The following SPOP variants were observed in gnomAD, a reference collection of about 807,000 sequenced individuals.
SPOP encodes speckle type BTB/POZ protein.
Under a neutral mutation model 45.6 loss-of-function variants are expected in SPOP, and 11 were observed. The ratio of observed to expected loss-of-function variants is 0.24; its 90% confidence interval spans 0.15 to 0.40. The LOEUF (loss-of-function observed/expected upper bound fraction) is 0.40. Among genes scored for constraint, SPOP ranks in the 10% least tolerant of loss-of-function variants. The pLI is 1.00. For synonymous variants in SPOP, 166 were observed against 166.3 expected (o/e 1.00, Z 0.01); for missense variants, 152 against 465.6 (o/e 0.33, Z 6.20).
At chr17:49,613,132 A>G (rs533431778) in intron 5 of SPOP, among the ~76,000 whole-genome samples, 1 of 152,352 alleles carries the variant, frequency 6.6e-6, no homozygotes, top group Admixed American at 6.5e-5. Context: ...AAACCATCCC[A>G]TAGAGATTCT....
intron 1 of SPOP, among the ~76,000 whole-genome samples, chr17:49,669,666 T>G (rs568558375): frequency 6.9e-6 from 1 of 144,572 alleles, no homozygotes; most frequent in African/African-American, 2.6e-5. Context: ...TCGGGAGGCT[T>G]AGGTAAGAGA....
At chr17:49,641,549 C>A (rs2072650624) in intron 1 of SPOP, among the ~76,000 whole-genome samples, 3 of 147,714 alleles carry the variant, frequency 2.0e-5, no homozygotes, top group Admixed American at 6.8e-5. Flanking sequence ...AAAGATTAGA[C>A]AGTAACTCTA....
intron 8 of SPOP, 133 bp downstream of exon 8, chr17:49,607,117 G>T: frequency 9.0e-7 from 1 of 1,108,862 alleles, no homozygotes; most frequent in Non-Finnish European, 1.3e-6. Flanking sequence ...AATAATATGT[G>T]TAAACCAGGA....
intron 1 of SPOP, among the ~76,000 whole-genome samples, chr17:49,653,379 C>A (rs1232517231): frequency 6.6e-6 from 1 of 151,002 alleles, no homozygotes; most frequent in African/African-American, 2.4e-5. Flanking sequence ...AACAAACAAA[C>A]AAAAAATGAA....
intron 8 of SPOP, chr17:49,606,973 A>C (rs1337331444): frequency 2.8e-6 from 1 of 353,614 alleles, no homozygotes. Flanking sequence ...CTGTGGTTAA[A>C]TTTGAGATGG....
At position 49,600,309 on chromosome 17, in the gene SPOP, G is replaced by T; in HGVS notation, c.*69C>A. On this transcript the variant is annotated 3_prime_UTR_variant, in exon 10 of 10. Transcript: ENST00000504102. This position sits in a 1 kb window ranked among gnomAD's most constrained non-coding sequence, Gnocchi z 4.2. ...GCTCCACAGATTGCGCTGTCTACCT[G>T]GTGGTCAGTGGCAGCAACAGTGGCT... 1 of 1,596,070 alleles carries T rather than the reference G, an allele frequency of 6.3e-7. No homozygotes were observed. Among genetic ancestry groups the T allele is most frequent in the Non-Finnish European group, 8.6e-7 (1 of 1,166,366 alleles).
chr17:49,668,993 GT>G, intron 1 of SPOP, among the ~76,000 whole-genome samples: 1 of 151,716 alleles, frequency 6.6e-6, no homozygotes, highest in Non-Finnish European at 1.5e-5. Context: ...AGCCAGGGTG[GT>G]ATCGATCTCC....
At chr17:49,610,369 C>A (rs1232072980) in intron 6 of SPOP, among the ~76,000 whole-genome samples, 5 of 152,274 alleles carry the variant, frequency 3.3e-5, no homozygotes, top group East Asian at 1.9e-4. Context: ...CAGGCGCATG[C>A]CACGATGCCC....
rs1567771033 is a variant in SPOP, at chr17:49,607,910, A to C, written c.678T>G (p.Ser226Arg). 2 of 1,612,428 alleles carry C rather than the reference A, an allele frequency of 1.2e-6. No homozygotes were observed. Among genetic ancestry groups the C allele is most frequent in the Admixed American group, 3.3e-5 (2 of 59,942 alleles). Residue 226 changes from serine (S) to arginine (R), a missense_variant, in exon 7 of 10, where the codon AGT becomes AGG. Coordinates refer to ENST00000504102, the MANE Select transcript of SPOP (RefSeq NM_001007228.2). ...AILAARSPVF[S>R]AMFEHEMEES... is the part of the protein sequence containing the mutation. ...CCTCCATTTCATGTTCAAACATGGC[A>C]CTAAAAACCGGAGAACGAGCTACAA...
At chr17:49,631,133 G>GT (rs2072443168) in intron 1 of SPOP, among the ~76,000 whole-genome samples, 1 of 152,140 alleles carries the variant, frequency 6.6e-6, no homozygotes, top group Non-Finnish European at 1.5e-5. Flanking sequence ...TTCTAGAAAT[G>GT]TATCCCTACT....
At chr17:49,633,150 T>C (rs2072483227) in intron 1 of SPOP, among the ~76,000 whole-genome samples, 1 of 152,204 alleles carries the variant, frequency 6.6e-6, no homozygotes, top group Non-Finnish European at 1.5e-5. Flanking sequence ...AGGTATTTCT[T>C]AGGTAAGTAT....
chr17:49,674,608 G>A (rs1346391511), intron 1 of SPOP, among the ~76,000 whole-genome samples: 1 of 152,178 alleles, frequency 6.6e-6, no homozygotes, highest in East Asian at 1.9e-4. Flanking sequence ...TCTGTACCAA[G>A]AGAGCAGACC....
intron 2 of SPOP, chr17:49,622,325 A>C: frequency 1.7e-6 from 1 of 591,906 alleles, no homozygotes; most frequent in South Asian, 1.5e-5. Flanking sequence ...AAACAGAAAC[A>C]AAAAACCCAC....
intron 1 of SPOP, among the ~76,000 whole-genome samples, chr17:49,641,851 G>C (rs1192294864): frequency 1.3e-5 from 2 of 151,534 alleles, no homozygotes; most frequent in Non-Finnish European, 3.0e-5. Flanking sequence ...GTGAAACCCT[G>C]TCTCTACCAA....
At chr17:49,648,093 T>C (rs1181488390) in intron 1 of SPOP, among the ~76,000 whole-genome samples, 1 of 152,222 alleles carries the variant, frequency 6.6e-6, no homozygotes, top group Non-Finnish European at 1.5e-5. Context: ...TCCTGTCAGC[T>C]GTCCTGCTTC....
At chr17:49,669,249 T>A (rs546444734) in intron 1 of SPOP, among the ~76,000 whole-genome samples, 3 of 149,874 alleles carry the variant, frequency 2.0e-5, no homozygotes, top group Admixed American at 6.7e-5. Flanking sequence ...GCATTTTTAG[T>A]AGAGACAGGG....
intron 1 of SPOP, chr17:49,646,633 C>T (rs938762235): frequency 2.0e-5 from 3 of 152,146 alleles, no homozygotes; most frequent in African/African-American, 7.2e-5. Context: ...AGCTATATAA[C>T]CACTCCCTCA....
chr17:49,667,244 T>A (rs571246256), intron 1 of SPOP, among the ~76,000 whole-genome samples: 256 of 138,538 alleles, frequency 1.8e-3, no homozygotes, highest in East Asian at 3.6e-3. Flanking sequence ...AAAAAAAAAA[T>A]TTTTTTTTAA....
At chr17:49,632,740 A>T (rs775977949) in intron 1 of SPOP, among the ~76,000 whole-genome samples, 6 of 152,114 alleles carry the variant, frequency 3.9e-5, no homozygotes, top group Non-Finnish European at 8.8e-5. Context: ...TGGCCTCCCA[A>T]ATTACAGGCG....
Sources: gnomAD v4.1 joint callset for allele counts (sites outside exome capture counted in the v4.1 genomes callset) on GRCh38, gnomAD v4.1.1 for gene constraint, Gnocchi (gnomAD v3.1) non-coding constraint, MANE v1.5 for transcripts, NCBI Gene and HGNC (gene_info 2026-07-23, HGNC 2026-07-21) for gene names.